Variants in NKAIN2 observed in about 807,000 individuals in gnomAD.
NKAIN2 encodes sodium/potassium-transporting ATPase subunit beta-1-interacting protein 2.
Under a neutral mutation model 32.6 loss-of-function variants are expected in NKAIN2, and 14 were observed. The observed-to-expected ratio is 0.43, with a 90% CI of 0.28 to 0.67. NKAIN2 has a LOEUF of 0.67. Ranked by LOEUF, NKAIN2 falls within the 30% of genes least tolerant of loss-of-function variation. NKAIN2 has a pLI of 0.17. For missense variants in NKAIN2, 198 were observed against 258.3 expected (o/e 0.77, Z 1.60); for synonymous variants, 80 against 87.2 (o/e 0.92, Z 0.46).
intron 4 of NKAIN2, among the ~76,000 whole-genome samples, chr6:124,725,920 C>A (rs965201341): frequency 1.5e-4 from 23 of 152,228 alleles, no homozygotes; most frequent in African/African-American, 5.1e-4. Context: ...AGGGAGTTCC[C>A]TTTCCGAGTC....
intron 3 of NKAIN2, among the ~76,000 whole-genome samples, chr6:124,613,753 TAATA>T (rs1397383269): frequency 6.6e-6 from 1 of 152,172 alleles, no homozygotes; most frequent in African/African-American, 2.4e-5. Flanking sequence ...CCTCAACCTA[TAATA>T]AATATTCAAT....
At chr6:124,628,646 A>AAAC (rs905856457) in intron 3 of NKAIN2, among the ~76,000 whole-genome samples, 8 of 151,974 alleles carry the variant, frequency 5.3e-5, no homozygotes, top group African/African-American at 1.7e-4. Context: ...AATTAGTAAT[A>AAAC]AACAGATATT....
At chr6:124,452,042 A>C (rs2114623684) in intron 3 of NKAIN2, among the ~76,000 whole-genome samples, 1 of 152,066 alleles carries the variant, frequency 6.6e-6, no homozygotes, top group Admixed American at 6.6e-5. Flanking sequence ...AAAAAATATA[A>C]AAATTATCCT....
At chr6:124,346,182 C>T (rs1418844908) in intron 2 of NKAIN2, among the ~76,000 whole-genome samples, 2 of 152,120 alleles carry the variant, frequency 1.3e-5, no homozygotes, top group African/African-American at 2.4e-5. Context: ...AGTTTGATTG[C>T]ACTGTGGTTT....
intron 1 of NKAIN2, among the ~76,000 whole-genome samples, chr6:124,021,393 T>G (rs1016796584): frequency 1.3e-5 from 2 of 152,034 alleles, no homozygotes; most frequent in Non-Finnish European, 2.9e-5. Context: ...TAAATTAAGA[T>G]TATTTAATTT....
intron 3 of NKAIN2, among the ~76,000 whole-genome samples, chr6:124,611,089 T>C (rs533781942): frequency 7.2e-5 from 11 of 152,076 alleles, no homozygotes; most frequent in Non-Finnish European, 1.6e-4. Context: ...ATCAAGCAGT[T>C]TTCCTCTGAC....
rs1461150985 is a variant in NKAIN2 at position 124,258,995 on chromosome 6, T to G, written c.55-24010T>G. Among the ~76,000 whole-genome samples the G allele has an allele frequency of 2.0e-5, 3 of 152,178 alleles. No individual in the cohort carries two copies. In the East Asian group the frequency reaches 5.8e-4, roughly 29 times the overall value. On this transcript the variant is annotated intron_variant, in intron 1 of 6. Coordinates refer to ENST00000368417, the MANE Select transcript of NKAIN2 (RefSeq NM_001040214.3). ...CCATAAAGTGCTTTGTAAATCCAGA[T>G]GAAAGCACAGCCTCTCATCCAAGCT...
chr6:123,833,727 T>TG (rs1562207741), intron 1 of NKAIN2, among the ~76,000 whole-genome samples: 7 of 84,024 alleles, frequency 8.3e-5, no homozygotes, highest in African/African-American at 3.2e-4. Flanking sequence ...GTGTGTGTGT[T>TG]TCCTGTGGAT....
chr6:123,976,372 C>CAT (rs60189624), intron 1 of NKAIN2, among the ~76,000 whole-genome samples: 330 of 10,858 alleles, frequency 0.03, 23 homozygotes, highest in Non-Finnish European at 0.042. Flanking sequence ...TATATATTCC[C>CAT]ATATATATAT....
intron 1 of NKAIN2, among the ~76,000 whole-genome samples, chr6:124,234,797 T>C (rs1021591457): frequency 3.9e-5 from 6 of 152,308 alleles, no homozygotes; most frequent in Non-Finnish European, 8.8e-5. Context: ...ATTCTAAAAC[T>C]AACAAAAAAG....
At chr6:124,520,132 A>G (rs1455961379) in intron 3 of NKAIN2, among the ~76,000 whole-genome samples, 1 of 152,224 alleles carries the variant, frequency 6.6e-6, no homozygotes, top group Non-Finnish European at 1.5e-5. Context: ...GATAAACAGA[A>G]AGGCCAATAC....
At chr6:123,849,742 T>A (rs1775236637) in intron 1 of NKAIN2, among the ~76,000 whole-genome samples, 1 of 152,130 alleles carries the variant, frequency 6.6e-6, no homozygotes, top group African/African-American at 2.4e-5. Flanking sequence ...CAAATATTCT[T>A]TTAACTTCTG....
intron 4 of NKAIN2, among the ~76,000 whole-genome samples, chr6:124,667,227 G>A (rs1018354267): frequency 6.6e-6 from 1 of 152,010 alleles, no homozygotes; most frequent in African/African-American, 2.4e-5. Flanking sequence ...GGAAACATCA[G>A]GGAATAAAAA....
chr6:124,548,463 G>A (rs575462430), intron 3 of NKAIN2, among the ~76,000 whole-genome samples: 87 of 152,290 alleles, frequency 5.7e-4, no homozygotes, highest in Middle Eastern at 6.8e-3. Flanking sequence ...GGGAAGCGTG[G>A]TGCATGATAT....
At chr6:124,789,911 A>T (rs6932595) in intron 4 of NKAIN2, among the ~76,000 whole-genome samples, 1 of 151,710 alleles carries the variant, frequency 6.6e-6, no homozygotes, top group Non-Finnish European at 1.5e-5. Context: ...TGACTCTCTA[A>T]GATGTGTACT....
At chr6:124,363,040 C>T (rs966113855) in intron 3 of NKAIN2, among the ~76,000 whole-genome samples, 4 of 151,804 alleles carry the variant, frequency 2.6e-5, no homozygotes, top group Non-Finnish European at 4.4e-5. Flanking sequence ...TTGCAATGTT[C>T]GCCAGGCTGG....
chr6:124,676,137 T>C (rs562809862), intron 4 of NKAIN2, among the ~76,000 whole-genome samples: 2 of 152,292 alleles, frequency 1.3e-5, no homozygotes, highest in East Asian at 1.9e-4. Context: ...AATTCTCCTA[T>C]GTTTCTTTTG....
chr6:124,665,403 A>G (rs1341691429), intron 4 of NKAIN2, among the ~76,000 whole-genome samples: 1 of 152,200 alleles, frequency 6.6e-6, no homozygotes, highest in Non-Finnish European at 1.5e-5. Context: ...AATAATGTTT[A>G]AAAATATCAA....
intron 1 of NKAIN2, among the ~76,000 whole-genome samples, chr6:124,174,002 T>G (rs1789031536): frequency 6.6e-6 from 1 of 152,138 alleles, no homozygotes; most frequent in Non-Finnish European, 1.5e-5. Flanking sequence ...AATAGGGATT[T>G]TGTTTATCTG....
Sources: allele counts gnomAD v4.1 joint callset (sites outside exome capture counted in the v4.1 genomes callset), GRCh38; gene constraint gnomAD v4.1.1; transcripts MANE v1.5; gene names NCBI Gene and HGNC (gene_info 2026-07-23, HGNC 2026-07-21).